Variants in DNAJC1 observed in about 807,000 individuals in gnomAD.
DNAJC1 encodes DnaJ heat shock protein family (Hsp40) member C1.
DNAJC1 carries 58 observed loss-of-function variants against 76.6 expected under a neutral mutation model. That is an observed-to-expected ratio of 0.76 (90% confidence interval 0.61 to 0.94). The LOEUF (loss-of-function observed/expected upper bound fraction) is 0.94, where lower values mean the gene tolerates loss of function less well. DNAJC1 is among the 40% of genes least tolerant of loss of function. DNAJC1 has a pLI of 0.00. For synonymous variants in DNAJC1, 258 were observed against 267.9 expected, an observed-to-expected ratio of 0.96 and a Z score of 0.36; for missense variants, 689 against 677.3, an observed-to-expected ratio of 1.02 and a Z score of -0.19.
intron 7 of DNAJC1, among the ~76,000 whole-genome samples, chr10:21,901,009 A>G (rs991624768): frequency 1.3e-5 from 2 of 152,188 alleles, no homozygotes; most frequent in Admixed American, 6.5e-5. Context: ...TGCCACACTG[A>G]AAAGTCACAT....
intron 8 of DNAJC1, among the ~76,000 whole-genome samples, chr10:21,822,298 G>A (rs1835172944): frequency 6.6e-6 from 1 of 151,928 alleles, no homozygotes; most frequent in African/African-American, 2.4e-5. Context: ...AATTAGCCAG[G>A]CATGGTGGTG....
chr10:21,827,904 T>C (rs1042911166), intron 8 of DNAJC1, among the ~76,000 whole-genome samples: 1 of 152,230 alleles, frequency 6.6e-6, no homozygotes. Flanking sequence ...GCAATGAACA[T>C]CTTTTAAATA....
At chr10:21,940,848 G>C (rs1012169744) in intron 1 of DNAJC1, among the ~76,000 whole-genome samples, 4 of 151,996 alleles carry the variant, frequency 2.6e-5, no homozygotes, top group African/African-American at 9.7e-5. Context: ...CTAGATCTTA[G>C]ACTAAATCTT....
chr10:21,891,179 G>C (rs1836455769), intron 7 of DNAJC1, among the ~76,000 whole-genome samples: 1 of 152,014 alleles, frequency 6.6e-6, no homozygotes, highest in South Asian at 2.1e-4. Flanking sequence ...AACAGAGTGA[G>C]ACTCCATCTC....
At chr10:21,935,389 G>A (rs546103259) in intron 1 of DNAJC1, among the ~76,000 whole-genome samples, 309 of 152,008 alleles carry the variant, frequency 2.0e-3, no homozygotes, top group African/African-American at 7.2e-3. Context: ...GTAGGCAGAA[G>A]AAACAATCAA....
At chr10:21,898,384 C>T (rs1401930253) in intron 7 of DNAJC1, among the ~76,000 whole-genome samples, 1 of 152,116 alleles carries the variant, frequency 6.6e-6, no homozygotes, top group Non-Finnish European at 1.5e-5. Flanking sequence ...AATGGAGCCA[C>T]TGTAAAGTCA....
chr10:21,883,122 T>C (rs918378193), intron 7 of DNAJC1, among the ~76,000 whole-genome samples: 4 of 152,062 alleles, frequency 2.6e-5, no homozygotes, highest in Admixed American at 6.6e-5. Context: ...TGGTGGTACA[T>C]GCATGTAATC....
At chr10:21,762,815 C>A (rs1834257110) in intron 10 of DNAJC1, among the ~76,000 whole-genome samples, 1 of 152,208 alleles carries the variant, frequency 6.6e-6, no homozygotes, top group Admixed American at 6.5e-5. Flanking sequence ...GAAAGATTTA[C>A]AGGTTAAAAT....
chr10:21,941,551 A>G (rs1837412104), intron 1 of DNAJC1, among the ~76,000 whole-genome samples: 1 of 152,090 alleles, frequency 6.6e-6, no homozygotes, highest in East Asian at 1.9e-4. Context: ...AAATCCTTCA[A>G]AAAAAGGATA....
At chr10:21,875,251 A>T (rs980583425) in intron 8 of DNAJC1, among the ~76,000 whole-genome samples, 2 of 152,052 alleles carry the variant, frequency 1.3e-5, no homozygotes, top group African/African-American at 4.8e-5. Flanking sequence ...AAACTCCTGG[A>T]CTCAAGAGAT....
chr10:21,842,670 C>G (rs191288780), intron 8 of DNAJC1, among the ~76,000 whole-genome samples: 1 of 152,260 alleles, frequency 6.6e-6, no homozygotes, highest in African/African-American at 2.4e-5. Context: ...AAATGAGGCA[C>G]AAATGAACTG....
At chr10:21,993,035 G>C (rs1041891694) in intron 1 of DNAJC1, among the ~76,000 whole-genome samples, 2 of 152,028 alleles carry the variant, frequency 1.3e-5, no homozygotes, top group Non-Finnish European at 2.9e-5. Context: ...GCTAAACAAG[G>C]ATCTTTAGTA....
At chr10:21,840,243 T>C (rs530588908) in intron 8 of DNAJC1, among the ~76,000 whole-genome samples, 3,387 of 152,220 alleles carry the variant, frequency 0.022, 115 homozygotes, top group African/African-American at 0.076. Context: ...TGCTGGAAGC[T>C]CTGGCCAGGG....
chr10:21,930,291 T>A (rs1590054135), intron 1 of DNAJC1, among the ~76,000 whole-genome samples: 1 of 152,332 alleles, frequency 6.6e-6, no homozygotes, highest in African/African-American at 2.4e-5. Context: ...TAAAACTTGA[T>A]CTGTATTAAA....
At chr10:21,757,158 T>C (rs1191035400) in intron 11 of DNAJC1, among the ~76,000 whole-genome samples, 2 of 152,242 alleles carry the variant, frequency 1.3e-5, no homozygotes, top group African/African-American at 4.8e-5. Context: ...GGTCTGGCTT[T>C]CCCTAGGCGC....
intron 1 of DNAJC1, among the ~76,000 whole-genome samples, chr10:22,000,510 A>T (rs968967387): frequency 6.6e-6 from 1 of 152,192 alleles, no homozygotes; most frequent in Non-Finnish European, 1.5e-5. Context: ...CTCCAGCCAC[A>T]CTGCCTGCCT....
chr10:21,877,287 C>CAT (rs911070627), intron 8 of DNAJC1, among the ~76,000 whole-genome samples: 7 of 70,130 alleles, frequency 1.0e-4, no homozygotes, highest in South Asian at 5.1e-4. Context: ...AAACAAAATA[C>CAT]ATATATATAT....
At chr10:21,779,093 C>G (rs1247251394) in intron 9 of DNAJC1, among the ~76,000 whole-genome samples, 1 of 152,172 alleles carries the variant, frequency 6.6e-6, no homozygotes, top group Non-Finnish European at 1.5e-5. Flanking sequence ...AACAAAGCGG[C>G]CAGGAAGCTC....
intron 8 of DNAJC1, among the ~76,000 whole-genome samples, chr10:21,817,159 C>CAAAAAAAAAA (rs1194285168): frequency 1.7e-5 from 1 of 59,902 alleles, no homozygotes; most frequent in Non-Finnish European, 2.9e-5. Flanking sequence ...GATTCCGTCT[C>CAAAAAAAAAA]AAAAAAAAAA....
Sources: allele counts gnomAD v4.1 joint callset (sites outside exome capture counted in the v4.1 genomes callset), GRCh38; gene constraint gnomAD v4.1.1; transcripts MANE v1.5; gene names NCBI Gene and HGNC (gene_info 2026-07-23, HGNC 2026-07-21).